Variants in MLIP observed in about 807,000 individuals in gnomAD.
MLIP encodes the protein muscular LMNA-interacting protein.
Under a neutral mutation model 84.8 loss-of-function variants are expected in MLIP, and 79 were observed. That is an observed-to-expected ratio of 0.93 (90% confidence interval 0.78 to 1.12). The LOEUF (loss-of-function observed/expected upper bound fraction) is 1.12, where lower values mean the gene tolerates loss of function less well. Ranked by LOEUF, MLIP falls within the 50% of genes most tolerant of loss-of-function variation. The probability of loss-of-function intolerance (pLI) is 0.00; values close to 1 mark genes in which losing one functional copy is unlikely to be tolerated. For synonymous variants in MLIP, 504 were observed against 463.0 expected (o/e 1.09, Z -1.14); for missense variants, 1,257 against 1,160.6 (o/e 1.08, Z -1.21).
At chr6:54,260,113 A>C (rs1048591416) in intron 13 of MLIP, among the ~76,000 whole-genome samples, 1 of 151,884 alleles carries the variant, frequency 6.6e-6, no homozygotes, top group Non-Finnish European at 1.5e-5. Flanking sequence ...TTACTACCAG[A>C]CTGTCATTTC....
At chr6:54,155,679 C>T (rs1773946482) in intron 5 of MLIP, among the ~76,000 whole-genome samples, 1 of 152,070 alleles carries the variant, frequency 6.6e-6, no homozygotes, top group Non-Finnish European at 1.5e-5. Flanking sequence ...ATACCCATTA[C>T]AGTTTATTGG....
intron 1 of MLIP, among the ~76,000 whole-genome samples, chr6:54,097,559 G>A (rs776847231): frequency 1.3e-5 from 2 of 152,076 alleles, no homozygotes; most frequent in Non-Finnish European, 2.9e-5. Context: ...TAATAAAAAA[G>A]CTAAAATCTA....
chr6:54,109,186 T>A (rs991189847), upstream of MLIP, among the ~76,000 whole-genome samples: 1 of 149,444 alleles, frequency 6.7e-6, no homozygotes, highest in Non-Finnish European at 1.5e-5. Context: ...AGCTAAAACA[T>A]CTTAATTCAA....
At chr6:54,110,500 GT>G (rs2150405703), upstream of MLIP, among the ~76,000 whole-genome samples, 1 of 152,218 alleles carries the variant, frequency 6.6e-6, no homozygotes, top group South Asian at 2.1e-4. Flanking sequence ...GGTCTGTGTT[GT>G]TTGGAATAGT....
At chr6:54,038,967 A>G (rs1764596994) in intron 1 of MLIP, among the ~76,000 whole-genome samples, 3 of 151,926 alleles carry the variant, frequency 2.0e-5, no homozygotes, top group Non-Finnish European at 4.4e-5. Context: ...AAGACATCAT[A>G]TAATTTAATA....
intron 1 of MLIP, among the ~76,000 whole-genome samples, chr6:54,053,526 CATG>C (rs1421679804): frequency 6.6e-6 from 1 of 152,088 alleles, no homozygotes; most frequent in Non-Finnish European, 1.5e-5. Context: ...GTTCAAGTGA[CATG>C]ATATTAATTT....
In MLIP at chr6:54,190,631, T is replaced by C. The variant is rs369386387; in HGVS notation, c.2589+717T>C. Among the ~76,000 whole-genome samples the C allele has an allele frequency of 1.3e-4, 20 of 152,200 alleles. No individual in the cohort carries two copies. The South Asian group carries it at 1.9e-3, about 14-fold the overall frequency. ...CAAGAGCTCAACAGTGGGGACTACA[T>C]TGGGCAGCACAGATCCAGACTCTAA... is the stretch of plus-strand genomic sequence containing the variant. On this transcript the variant is annotated intron_variant, in intron 10 of 13. Transcript: ENST00000502396.
chr6:54,138,373 T>C, intron 4 of MLIP, 87 bp downstream of exon 4: 1 of 1,415,336 alleles, frequency 7.1e-7, no homozygotes, highest in South Asian at 1.5e-5. Context: ...TCAATAATTA[T>C]AGTATTAATT....
At chr6:54,131,297 T>C (rs888549185) in intron 3 of MLIP, among the ~76,000 whole-genome samples, 3 of 152,204 alleles carry the variant, frequency 2.0e-5, no homozygotes, top group East Asian at 1.9e-4. Context: ...GTGGAATTCA[T>C]GGCAGCTTGC....
At chr6:54,032,846 T>C (rs962892875) in intron 1 of MLIP, among the ~76,000 whole-genome samples, 4 of 152,194 alleles carry the variant, frequency 2.6e-5, no homozygotes, top group African/African-American at 9.6e-5. Context: ...TCCCATGTGT[T>C]TAAAGTTGTA....
At chr6:54,117,737 G>C (rs896043761) in intron 1 of MLIP, among the ~76,000 whole-genome samples, 1 of 151,388 alleles carries the variant, frequency 6.6e-6, no homozygotes. Flanking sequence ...ACGAGATCAG[G>C]AGATCGACAC....
intron 5 of MLIP, among the ~76,000 whole-genome samples, chr6:54,149,820 A>C (rs902559279): frequency 3.9e-5 from 6 of 152,150 alleles, no homozygotes; most frequent in Non-Finnish European, 7.3e-5. Flanking sequence ...AGGTAAATTA[A>C]ATTGAAGCCT....
At chr6:54,214,663 C>T (rs1281267637) in intron 11 of MLIP, among the ~76,000 whole-genome samples, 1 of 152,182 alleles carries the variant, frequency 6.6e-6, no homozygotes, top group African/African-American at 2.4e-5. Flanking sequence ...CCATGAGTTT[C>T]CAAAATCTAT....
rs1480830682 is a variant in MLIP at position 54,069,645 on chromosome 6, T to C, written c.63+50554T>C. On this transcript the variant is annotated intron_variant, in intron 1 of 12. Transcript: ENST00000274897. Reference sequence around the variant, plus strand: ...TAAAGAGTTGTTATACTGTATTGTTTAGGAAATAATAGCAATAAAAAAAGG... The same window carrying C: ...TAAAGAGTTGTTATACTGTATTGTTCAGGAAATAATAGCAATAAAAAAAGG... 5.0e-5 allele frequency among the ~76,000 whole-genome samples: 5 copies of C among 99,700 alleles called. 1 individual carries two copies. Among genetic ancestry groups the C allele is most frequent in the African/African-American group, 1.0e-4 (4 of 38,988 alleles). The allele number at this position is 99,700 out of a possible 152,430, so 65.4% of individuals were successfully genotyped here.
intron 1 of MLIP, among the ~76,000 whole-genome samples, chr6:54,118,340 G>A (rs1322918615): frequency 6.6e-6 from 1 of 152,206 alleles, no homozygotes; most frequent in Non-Finnish European, 1.5e-5. Flanking sequence ...CAATGGAACT[G>A]AGAGTTCCAG....
chr6:54,169,666 T>G, intron 9 of MLIP, 94 bp downstream of exon 9: 1 of 754,474 alleles, frequency 1.3e-6, no homozygotes, highest in Non-Finnish European at 2.0e-6. Flanking sequence ...TAAATAGAAT[T>G]AATTGTTTTT....
intron 1 of MLIP, chr6:54,047,163 G>A (rs1041552493): frequency 1.3e-5 from 2 of 152,094 alleles, no homozygotes; most frequent in Admixed American, 1.3e-4. Flanking sequence ...GCAGGTGCTG[G>A]GAAATTGAAC....
At chr6:54,237,736 G>A (rs551336406) in intron 12 of MLIP, among the ~76,000 whole-genome samples, 1 of 151,412 alleles carries the variant, frequency 6.6e-6, no homozygotes, top group Admixed American at 6.6e-5. Context: ...TGTGGTCCCA[G>A]CTACTCAGGA....
chr6:54,136,580 T>A, intron 3 of MLIP, 135 bp from the exon 4 acceptor site: 2 of 804,052 alleles, frequency 2.5e-6, no homozygotes, highest in Non-Finnish European at 3.6e-6. Flanking sequence ...AAAATAGAAT[T>A]TCCTTCATTT....
Sources: gnomAD v4.1 joint callset for allele counts (sites outside exome capture counted in the v4.1 genomes callset) on GRCh38, gnomAD v4.1.1 for gene constraint, MANE v1.5 for transcripts, NCBI Gene and HGNC (gene_info 2026-07-23, HGNC 2026-07-21) for gene names.